The following COL26A1 variants were observed in gnomAD, a reference collection of about 807,000 sequenced individuals.
COL26A1 encodes collagen type XXVI alpha 1 chain.
Under a neutral mutation model 59.3 loss-of-function variants are expected in COL26A1, and 41 were observed. The observed-to-expected ratio is 0.69, with a 90% CI of 0.54 to 0.90. The LOEUF (loss-of-function observed/expected upper bound fraction) is 0.90, where lower values mean the gene tolerates loss of function less well. Among genes scored for constraint, COL26A1 ranks in the 40% least tolerant of loss-of-function variants. The pLI is 0.00. For missense variants in COL26A1, 612 were observed against 602.3 expected, an observed-to-expected ratio of 1.02 and a Z score of -0.17; for synonymous variants, 266 against 256.0, an observed-to-expected ratio of 1.04 and a Z score of -0.37.
At position 101,557,767 on chromosome 7, in the gene COL26A1, A is replaced by T. The variant is rs11762601; in HGVS notation, c.*237A>T. 2 of 459,640 alleles carry T rather than the reference A, an allele frequency of 4.4e-6. No individual in the cohort carries two copies. Among genetic ancestry groups the T allele is most frequent in the Non-Finnish European group, 3.9e-6 (1 of 259,094 alleles). 28.5% of individuals were successfully genotyped at this position (459,640 alleles called of 1,614,324 possible). A position where few individuals can be genotyped will look rare whatever the true frequency, so the allele number is the denominator to read the frequency against. On this transcript the variant is annotated 3_prime_UTR_variant, in exon 13 of 13. Transcript: ENST00000313669. ...CTCCCCTACCCCCACTCCCGGCTGG[A>T]GACGGGGTCTGGGTGGGCTGGGTGC...
At chr7:101,549,252 G>A in intron 9 of COL26A1, 29 bp downstream of exon 9, 2 of 1,557,168 alleles carry the variant, frequency 1.3e-6, no homozygotes, top group Non-Finnish European at 1.8e-6. Flanking sequence ...TAGGTAGGGT[G>A]TGGGAGGCGG....
intron 2 of COL26A1, among the ~76,000 whole-genome samples, chr7:101,445,662 G>A (rs1210016981): frequency 6.7e-6 from 1 of 149,098 alleles, no homozygotes; most frequent in Non-Finnish European, 1.5e-5. Flanking sequence ...AACCCGGGAG[G>A]CGGAGCTTGC....
chr7:101,363,207 C>A lies in COL26A1; in HGVS notation c.158+17C>A, dbSNP rs4989265. 2.2e-6 allele frequency: 3 copies of A among 1,346,124 alleles called. No individual in the cohort carries two copies. The highest frequency in any genetic ancestry group is 1.7e-5 in the African/African-American group (1 of 59,888). The allele number at this position is 1,346,124 out of a possible 1,614,324, so 83.4% of individuals were successfully genotyped here. A position where few individuals can be genotyped will look rare whatever the true frequency, so the allele number is the denominator to read the frequency against. ...GAGCCGCCGGTGAGTAGCTCGGGGC[C>A]GAGGGGCCGGGGGGTGGGGGGAGGG... On this transcript the variant is annotated intron_variant, in intron 1 of 12. Transcript: ENST00000313669.
intron 3 of COL26A1, among the ~76,000 whole-genome samples, chr7:101,512,737 T>C (rs532693174): frequency 1.8e-4 from 28 of 152,296 alleles, no homozygotes; most frequent in Non-Finnish European, 3.4e-4. Context: ...CCAAATAAGA[T>C]AGCTATTCAA....
chr7:101,519,984 C>T (rs1003602223), intron 3 of COL26A1, among the ~76,000 whole-genome samples: 1 of 152,138 alleles, frequency 6.6e-6, no homozygotes, highest in Non-Finnish European at 1.5e-5. Flanking sequence ...CATTTCAGCT[C>T]ATCTGCTCCC....
At chr7:101,385,595 T>A (rs1417399769) in intron 1 of COL26A1, among the ~76,000 whole-genome samples, 2 of 152,200 alleles carry the variant, frequency 1.3e-5, no homozygotes, top group East Asian at 1.9e-4. Flanking sequence ...GGTCTCGAAC[T>A]CCTGACCTCA....
At chr7:101,426,831 G>A (rs58196024) in intron 2 of COL26A1, among the ~76,000 whole-genome samples, 17,459 of 152,160 alleles carry the variant, frequency 0.11, 1,896 homozygotes, top group African/African-American at 0.29. Context: ...CACGTCAGCC[G>A]AGGCAGCTCC....
At chr7:101,452,293 C>T (rs1159595253) in intron 3 of COL26A1, among the ~76,000 whole-genome samples, 1 of 152,154 alleles carries the variant, frequency 6.6e-6, no homozygotes, top group Non-Finnish European at 1.5e-5. Context: ...TCCCTGCTGA[C>T]TGGGAGGTCC....
chr7:101,479,166 T>A (rs1010740722), intron 3 of COL26A1, among the ~76,000 whole-genome samples: 7 of 152,224 alleles, frequency 4.6e-5, no homozygotes, highest in Non-Finnish European at 8.8e-5. Context: ...CCAAACTCAG[T>A]GTTCCAATTT....
At chr7:101,495,779 A>T (rs1450074677) in intron 3 of COL26A1, among the ~76,000 whole-genome samples, 1 of 149,962 alleles carries the variant, frequency 6.7e-6, no homozygotes, top group African/African-American at 2.4e-5. Flanking sequence ...AGGGCCTTCA[A>T]AGTCCTCACA....
intron 3 of COL26A1, among the ~76,000 whole-genome samples, chr7:101,522,475 G>T (rs1016687648): frequency 6.6e-6 from 1 of 152,192 alleles, no homozygotes; most frequent in African/African-American, 2.4e-5. Flanking sequence ...ATCTGGTGAG[G>T]CTTCCTCACC....
rs779465846 is a variant in COL26A1 at position 101,547,143 on chromosome 7, G to T, written c.857-13G>T. The T allele has an allele frequency of 6.3e-7, 1 of 1,576,936 alleles. No homozygotes were observed. Among genetic ancestry groups the T allele is most frequent in the East Asian group, 2.4e-5 (1 of 42,436 alleles). ...GCCCCACCAGACCCCTGGCCGCTCCGCTCTTCCCACAGATGGAGACTCAAG... is the reference window on the plus strand; with the variant it reads ...GCCCCACCAGACCCCTGGCCGCTCCTCTCTTCCCACAGATGGAGACTCAAG... On this transcript the variant is annotated splice_polypyrimidine_tract_variant and intron_variant, in intron 7 of 12. Transcript: ENST00000313669.
intron 3 of COL26A1, among the ~76,000 whole-genome samples, chr7:101,518,786 C>G (rs1795083120): frequency 1.3e-5 from 2 of 152,182 alleles, no homozygotes. Context: ...GGACTGATCA[C>G]TTATTTTTGT....
intron 3 of COL26A1, among the ~76,000 whole-genome samples, chr7:101,513,053 C>T (rs992059125): frequency 2.6e-5 from 4 of 151,964 alleles, no homozygotes; most frequent in African/African-American, 7.3e-5. Flanking sequence ...GTCGCCCAGA[C>T]TAGAGTGCAA....
chr7:101,549,787 G>A (rs1728917240), intron 9 of COL26A1, among the ~76,000 whole-genome samples: 1 of 152,212 alleles, frequency 6.6e-6, no homozygotes, highest in South Asian at 2.1e-4. Flanking sequence ...TGAGCTAACT[G>A]AGTCCCAGAG....
At chr7:101,446,523 CA>C (rs1793198563) in intron 2 of COL26A1, among the ~76,000 whole-genome samples, 1 of 152,140 alleles carries the variant, frequency 6.6e-6, no homozygotes, top group Admixed American at 6.6e-5. Context: ...TGCTTAGACA[CA>C]GCTGATTTAT....
chr7:101,447,214 T>G (rs910878669), intron 2 of COL26A1, among the ~76,000 whole-genome samples: 4 of 152,094 alleles, frequency 2.6e-5, no homozygotes, highest in Non-Finnish European at 1.5e-5. Flanking sequence ...CAGGAGCAAT[T>G]TGGGGAGGTT....
chr7:101,434,975 A>G (rs1167008372), intron 2 of COL26A1, among the ~76,000 whole-genome samples: 1 of 152,138 alleles, frequency 6.6e-6, no homozygotes, highest in Non-Finnish European at 1.5e-5. Flanking sequence ...CATTTAGCAG[A>G]GACCTGGGGG....
At chr7:101,539,278 C>CTG (rs771877127) in intron 4 of COL26A1, among the ~76,000 whole-genome samples, 44 of 142,322 alleles carry the variant, frequency 3.1e-4, no homozygotes, top group Middle Eastern at 3.5e-3. Flanking sequence ...CCTTTTCTGT[C>CTG]TGTGTGTGTG....
Sources: allele counts gnomAD v4.1 joint callset (sites outside exome capture counted in the v4.1 genomes callset), GRCh38; gene constraint gnomAD v4.1.1; transcripts MANE v1.5; gene names NCBI Gene and HGNC (gene_info 2026-07-23, HGNC 2026-07-21).